The following GALNT13 variants were observed in gnomAD, a reference collection of about 807,000 sequenced individuals.
The protein encoded by GALNT13 is UDP-GalNAc:polypeptide N-acetylgalactosaminyltransferase 13.
Under a neutral mutation model 64.2 loss-of-function variants are expected in GALNT13, and 28 were observed. The observed-to-expected ratio is 0.44, with a 90% confidence interval of 0.32 to 0.60. The LOEUF is 0.60. Ranked by LOEUF, GALNT13 falls within the 20% of genes least tolerant of loss-of-function variation. The pLI, the probability that GALNT13 is intolerant of heterozygous loss-of-function variation, is 0.05. For synonymous variants in GALNT13, 214 were observed against 224.6 expected (o/e 0.95, Z 0.42); for missense variants, 577 against 669.8 (o/e 0.86, Z 1.53).
At chr2:154,385,992 A>G (rs1337178824) in intron 9 of GALNT13, among the ~76,000 whole-genome samples, 2 of 152,094 alleles carry the variant, frequency 1.3e-5, no homozygotes, top group Non-Finnish European at 2.9e-5. Context: ...AACAACATGT[A>G]TGATAAGATA....
intron 3 of GALNT13, among the ~76,000 whole-genome samples, chr2:153,969,127 T>C (rs1693573915): frequency 6.6e-6 from 1 of 152,098 alleles, no homozygotes; most frequent in Non-Finnish European, 1.5e-5. Flanking sequence ...AGAAAATCTT[T>C]ATGTATACCA....
the GALNT13 span, among the ~76,000 whole-genome samples, chr2:153,229,446 C>A: frequency 1.3e-5 from 2 of 152,150 alleles, no homozygotes; most frequent in African/African-American, 2.4e-5. Flanking sequence ...GTTTAATCAG[C>A]AGCCTTTTGT....
downstream of GALNT13, among the ~76,000 whole-genome samples, chr2:154,456,029 A>C (rs1702027888): frequency 6.6e-6 from 1 of 152,182 alleles, no homozygotes; most frequent in African/African-American, 2.4e-5. Flanking sequence ...GATTTTCATC[A>C]TGCATTCCAT....
intron 3 of GALNT13, among the ~76,000 whole-genome samples, chr2:154,035,428 A>T (rs12052698): frequency 0.071 from 10,796 of 152,002 alleles, 454 homozygotes; most frequent in Middle Eastern, 0.13. Flanking sequence ...TTTCCTCCAC[A>T]CTCGTTAATG....
the GALNT13 span, among the ~76,000 whole-genome samples, chr2:153,475,166 C>T: frequency 6.6e-6 from 1 of 152,256 alleles, no homozygotes; most frequent in South Asian, 2.1e-4. Context: ...AAGCTTCTTG[C>T]ACACATTGCC....
At chr2:154,393,947 G>C in intron 9 of GALNT13, among the ~76,000 whole-genome samples, 1 of 148,980 alleles carries the variant, frequency 6.7e-6, no homozygotes, top group Non-Finnish European at 1.5e-5. Flanking sequence ...GCGTAGTGGC[G>C]GGCGCCTGTA....
the GALNT13 span, among the ~76,000 whole-genome samples, chr2:153,252,062 G>T: frequency 1.3e-5 from 2 of 150,470 alleles, no homozygotes; most frequent in Admixed American, 6.6e-5. Context: ...TTCCACAATG[G>T]TTGAACTAGT....
chr2:154,306,626 G>GGGC lies in GALNT13; in HGVS notation c.1156+5039_1156+5040insCGG, dbSNP rs1553512851. Among the ~76,000 whole-genome samples, 23 of 148,618 alleles carry GGGC rather than the reference G, an allele frequency of 1.5e-4. 1 individual carries two copies. The highest frequency in any genetic ancestry group is 1.1e-3 in the Admixed American group (16 of 14,920). ...TTTTAAGGATAATTTGGTGGGGGGGGGGTCAAGAAATGGGGAGTGCTGATT... is the reference window on the plus strand; with the variant it reads ...TTTTAAGGATAATTTGGTGGGGGGGGGGCGGTCAAGAAATGGGGAGTGCTGATT... On this transcript the variant is annotated intron_variant, in intron 9 of 12. Coordinates refer to ENST00000392825, the MANE Select transcript of GALNT13 (RefSeq NM_052917.4).
At chr2:153,126,294 T>TTA in the GALNT13 span, among the ~76,000 whole-genome samples, 438 of 50,892 alleles carry the variant, frequency 8.6e-3, 28 homozygotes, top group South Asian at 0.016. Flanking sequence ...AGTATTGATT[T>TTA]TGTATATATA....
chr2:153,893,466 G>T (rs1687686697), intron 1 of GALNT13, among the ~76,000 whole-genome samples: 1 of 151,844 alleles, frequency 6.6e-6, no homozygotes, highest in African/African-American at 2.4e-5. Context: ...ATGTAAAAAA[G>T]AATATGAAAA....
chr2:154,378,862 T>C (rs955471122), intron 9 of GALNT13, among the ~76,000 whole-genome samples: 3 of 152,162 alleles, frequency 2.0e-5, no homozygotes, highest in African/African-American at 7.2e-5. Context: ...ATACTTTTCC[T>C]TGAATGAACA....
At chr2:154,185,605 T>C (rs1686206260) in intron 4 of GALNT13, among the ~76,000 whole-genome samples, 1 of 151,952 alleles carries the variant, frequency 6.6e-6, no homozygotes, top group African/African-American at 2.4e-5. Context: ...GTTCTCTGAT[T>C]CTTATATTTG....
At chr2:153,365,933 C>T in the GALNT13 span, among the ~76,000 whole-genome samples, 1 of 152,164 alleles carries the variant, frequency 6.6e-6, no homozygotes, top group Admixed American at 6.5e-5. Flanking sequence ...TATAAAGACA[C>T]ATGCACTCAT....
the GALNT13 span, among the ~76,000 whole-genome samples, chr2:153,296,527 T>C: frequency 6.6e-6 from 1 of 152,204 alleles, no homozygotes; most frequent in Non-Finnish European, 1.5e-5. Context: ...GCAGATTTCT[T>C]ATACTGTTTC....
chr2:153,995,456 C>T (rs905683072), intron 3 of GALNT13, among the ~76,000 whole-genome samples: 1 of 152,074 alleles, frequency 6.6e-6, no homozygotes, highest in Non-Finnish European at 1.5e-5. Context: ...CTCTCAGGAG[C>T]TCAGGGGCAA....
At chr2:153,446,134 G>A in the GALNT13 span, among the ~76,000 whole-genome samples, 1 of 152,132 alleles carries the variant, frequency 6.6e-6, no homozygotes, top group South Asian at 2.1e-4. Context: ...TCTGTTACTT[G>A]GGACTATTGA....
At chr2:154,256,302 A>G (rs1305020929) in intron 7 of GALNT13, among the ~76,000 whole-genome samples, 1 of 152,206 alleles carries the variant, frequency 6.6e-6, no homozygotes, top group Non-Finnish European at 1.5e-5. Flanking sequence ...AAGCAAGCAC[A>G]GAGAACCAAA....
At chr2:154,118,204 T>G (rs1681712967) in intron 3 of GALNT13, among the ~76,000 whole-genome samples, 2 of 152,064 alleles carry the variant, frequency 1.3e-5, no homozygotes, top group South Asian at 4.1e-4. Flanking sequence ...CAATTTTGGG[T>G]GCGGTGCATA....
At chr2:153,385,082 G>T in the GALNT13 span, among the ~76,000 whole-genome samples, 1 of 151,912 alleles carries the variant, frequency 6.6e-6, no homozygotes, top group Non-Finnish European at 1.5e-5. Flanking sequence ...ATACACTGTT[G>T]GTAGCAATGT....
Sources: gnomAD v4.1 joint callset for allele counts (sites outside exome capture counted in the v4.1 genomes callset) on GRCh38, gnomAD v4.1.1 for gene constraint, MANE v1.5 for transcripts, NCBI Gene and HGNC (gene_info 2026-07-23, HGNC 2026-07-21) for gene names.